RGS6: variants seen among roughly 807,000 people sequenced by gnomAD.
RGS6 encodes the protein regulator of G-protein signaling 6.
RGS6 carries 30 observed loss-of-function variants against 78.5 expected under a neutral mutation model. The observed-to-expected ratio is 0.38, with a 90% CI of 0.29 to 0.52. The LOEUF is 0.52. Ranked by LOEUF, RGS6 falls within the 20% of genes least tolerant of loss-of-function variation. RGS6 has a pLI of 0.85. For synonymous variants in RGS6, 206 were observed against 206.0 expected (o/e 1.00, Z 0.00); for missense variants, 495 against 609.7 (o/e 0.81, Z 1.98).
intron 3 of RGS6, among the ~76,000 whole-genome samples, chr14:72,355,454 C>T (rs369317520): frequency 2.0e-5 from 3 of 152,222 alleles, no homozygotes; most frequent in South Asian, 4.2e-4. Flanking sequence ...CTTGGCCTCC[C>T]AAAGTACTCT....
intron 3 of RGS6, among the ~76,000 whole-genome samples, chr14:72,392,189 T>C (rs768031435): frequency 3.3e-5 from 5 of 150,162 alleles, no homozygotes; most frequent in Non-Finnish European, 7.4e-5. Context: ...CATACACAAA[T>C]ATATATATAT....
At chr14:72,086,993 G>A (rs11158946) in intron 2 of RGS6, among the ~76,000 whole-genome samples, 25,041 of 152,066 alleles carry the variant, frequency 0.16, 2,176 homozygotes, top group Non-Finnish European at 0.18. Flanking sequence ...ATGTATTTTC[G>A]CTGGAGTGTT....
chr14:72,397,113 T>C (rs1035732437), intron 3 of RGS6, among the ~76,000 whole-genome samples: 1 of 152,238 alleles, frequency 6.6e-6, no homozygotes, highest in Non-Finnish European at 1.5e-5. Flanking sequence ...GGGGATGGCA[T>C]TGAATCTATA....
At chr14:72,297,105 T>C (rs1397571385) in intron 2 of RGS6, among the ~76,000 whole-genome samples, 2 of 152,150 alleles carry the variant, frequency 1.3e-5, no homozygotes, top group African/African-American at 2.4e-5. Flanking sequence ...AGGGCTACTT[T>C]TGGGCTTTCA....
intron 3 of RGS6, among the ~76,000 whole-genome samples, chr14:72,359,667 A>G (rs919031381): frequency 2.6e-5 from 4 of 152,232 alleles, no homozygotes; most frequent in Non-Finnish European, 5.9e-5. Flanking sequence ...GAGGGAGAGA[A>G]TAAGAAAACA....
At chr14:72,012,617 TG>T (rs1356153355) in intron 2 of RGS6, among the ~76,000 whole-genome samples, 1 of 152,230 alleles carries the variant, frequency 6.6e-6, no homozygotes, top group East Asian at 1.9e-4. Flanking sequence ...ATATCTGTGA[TG>T]TTTCCTGACA....
chr14:72,239,867 T>G (rs1600216735), intron 2 of RGS6, among the ~76,000 whole-genome samples: 1 of 152,232 alleles, frequency 6.6e-6, no homozygotes, highest in Non-Finnish European at 1.5e-5. Context: ...CTGTTGCAGA[T>G]TCAGATGGGA....
chr14:72,107,001 T>C (rs926209234), intron 2 of RGS6, among the ~76,000 whole-genome samples: 4 of 152,108 alleles, frequency 2.6e-5, no homozygotes, highest in Non-Finnish European at 4.4e-5. Flanking sequence ...TTAACAGCCA[T>C]AGATACTCAA....
intron 2 of RGS6, among the ~76,000 whole-genome samples, chr14:72,324,765 T>C (rs1449068016): frequency 6.6e-6 from 1 of 152,070 alleles, no homozygotes; most frequent in African/African-American, 2.4e-5. Flanking sequence ...TGGATGGACA[T>C]TTGGGTTGGT....
At chr14:72,354,802 C>G (rs543651242) in intron 3 of RGS6, among the ~76,000 whole-genome samples, 1 of 152,132 alleles carries the variant, frequency 6.6e-6, no homozygotes, top group East Asian at 1.9e-4. Context: ...AAATAGAGCC[C>G]AGATAGATTT....
chr14:72,402,477 CA>C (rs1465898505), intron 3 of RGS6, among the ~76,000 whole-genome samples: 1 of 152,012 alleles, frequency 6.6e-6, no homozygotes, highest in Non-Finnish European at 1.5e-5. Flanking sequence ...AGTAAACATA[CA>C]AATGGCCAAG....
intron 1 of RGS6, among the ~76,000 whole-genome samples, chr14:71,962,539 AGTT>A (rs2093276370): frequency 6.6e-6 from 1 of 152,154 alleles, no homozygotes; most frequent in South Asian, 2.1e-4. Context: ...GCAACTAAGT[AGTT>A]GTTTAAAAAT....
the RGS6 span, among the ~76,000 whole-genome samples, chr14:72,615,047 G>A: frequency 5.9e-5 from 9 of 152,232 alleles, no homozygotes; most frequent in South Asian, 1.5e-3. Context: ...GAGTGTGAGC[G>A]TGGCTCTGGC....
At chr14:72,419,712 C>T (rs2094059261) in intron 3 of RGS6, among the ~76,000 whole-genome samples, 1 of 152,034 alleles carries the variant, frequency 6.6e-6, no homozygotes, top group Non-Finnish European at 1.5e-5. Context: ...ATCATCATAA[C>T]CCAAAAGAGA....
downstream of RGS6, among the ~76,000 whole-genome samples, chr14:72,570,608 C>T (rs2097719157): frequency 6.6e-6 from 1 of 152,164 alleles, no homozygotes; most frequent in African/African-American, 2.4e-5. Context: ...CTGGAGTTCT[C>T]CCATGCCTTC....
At chr14:72,286,503 G>A (rs933745732) in intron 2 of RGS6, among the ~76,000 whole-genome samples, 3 of 149,354 alleles carry the variant, frequency 2.0e-5, no homozygotes, top group Admixed American at 6.7e-5. Flanking sequence ...GTCTTTTGTG[G>A]TTCCATGAGA....
chr14:72,482,452 C>T (rs1039578378), intron 12 of RGS6, among the ~76,000 whole-genome samples: 4 of 152,170 alleles, frequency 2.6e-5, no homozygotes, highest in African/African-American at 9.7e-5. Context: ...TAACAAAACA[C>T]CCCAAAACTC....
chr14:72,176,824 C>T (rs774652049), intron 2 of RGS6, among the ~76,000 whole-genome samples: 2 of 152,192 alleles, frequency 1.3e-5, no homozygotes, highest in Non-Finnish European at 2.9e-5. Context: ...TGCACACACA[C>T]GCTCGCCCAT....
chr14:72,171,047 A>T (rs1399591257), intron 2 of RGS6, among the ~76,000 whole-genome samples: 1 of 152,202 alleles, frequency 6.6e-6, no homozygotes. Context: ...TTATCGGTTT[A>T]AATTGTGCAT....
Sources: allele counts gnomAD v4.1 joint callset (sites outside exome capture counted in the v4.1 genomes callset), GRCh38; gene constraint gnomAD v4.1.1; transcripts MANE v1.5; gene names NCBI Gene and HGNC (gene_info 2026-07-23, HGNC 2026-07-21).